Variants in PRKAG2 observed in about 807,000 individuals in gnomAD.
PRKAG2 encodes the protein 5'-AMP-activated protein kinase subunit gamma-2.
In PRKAG2, 26 loss-of-function variants were observed where a neutral mutation model predicts 69.6. The ratio of observed to expected loss-of-function variants is 0.37; its 90% CI spans 0.27 to 0.52. The LOEUF (loss-of-function observed/expected upper bound fraction) is 0.52. PRKAG2 is among the 20% of genes least tolerant of loss of function. PRKAG2 has a pLI of 0.90. For synonymous variants in PRKAG2, 293 were observed against 285.0 expected (o/e 1.03, Z -0.28); for missense variants, 557 against 740.0 (o/e 0.75, Z 2.87).
chr7:151,583,877 C>A lies in PRKAG2; in HGVS notation c.865-7425G>T, dbSNP rs993215583. Among the ~76,000 whole-genome samples the A allele has an allele frequency of 1.3e-5, 2 of 152,164 alleles. No individual in the cohort carries two copies. The highest frequency in any genetic ancestry group is 2.9e-5 in the Non-Finnish European group (2 of 68,022). On this transcript the variant is annotated intron_variant, in intron 6 of 15. Coordinates refer to ENST00000287878, the MANE Select transcript of PRKAG2 (RefSeq NM_016203.4). This position sits in a 1 kb window ranked among gnomAD's most constrained non-coding sequence, Gnocchi z 4.1. Reference sequence around the variant, plus strand: ...TTTTAGAATAGTGAGCAGGCCCGAGCTGCTCTAAGAGACTCTGGCAGTCTA... The same window carrying A: ...TTTTAGAATAGTGAGCAGGCCCGAGATGCTCTAAGAGACTCTGGCAGTCTA...
At chr7:151,761,175 A>G (rs943448228) in intron 3 of PRKAG2, among the ~76,000 whole-genome samples, 2 of 152,240 alleles carry the variant, frequency 1.3e-5, no homozygotes, top group Non-Finnish European at 2.9e-5. Flanking sequence ...AATTTAGTTT[A>G]TAGTTTAAAC....
At chr7:151,764,521 G>C (rs1208053804) in intron 3 of PRKAG2, among the ~76,000 whole-genome samples, 4 of 152,180 alleles carry the variant, frequency 2.6e-5, no homozygotes, top group Admixed American at 2.0e-4. Context: ...TCCACCCCCA[G>C]TGCCAAGAGC....
At position 151,719,074 on chromosome 7, in the gene PRKAG2, C is replaced by T. The variant is rs1210698511; in HGVS notation, c.467-43437G>A. On this transcript the variant is annotated intron_variant, in intron 3 of 15. Coordinates refer to ENST00000287878, the MANE Select transcript of PRKAG2 (RefSeq NM_016203.4). The surrounding 1 kb of genome is among the most constrained non-coding windows in gnomAD (Gnocchi z 5.2). ...CCTGATAAGTACAAGGCCCCGAACTCAGGGAAATGGAGGGGACTGAAGGAG... is the reference window on the plus strand; with the variant it reads ...CCTGATAAGTACAAGGCCCCGAACTTAGGGAAATGGAGGGGACTGAAGGAG... Among the ~76,000 whole-genome samples, 1 of 152,162 alleles carries T rather than the reference C, an allele frequency of 6.6e-6. No individual in the cohort carries two copies. The highest frequency in any genetic ancestry group is 1.9e-4 in the East Asian group (1 of 5,180).
In PRKAG2 at chr7:151,807,401, G is replaced by C; in HGVS notation, c.115-20860C>G. The C allele has an allele frequency of 2.2e-6, 1 of 457,660 alleles. No homozygotes were observed. The highest frequency in any genetic ancestry group is 4.4e-6 in the Non-Finnish European group (1 of 226,822). The allele number at this position is 457,660 out of a possible 1,614,324, so 28.3% of individuals were successfully genotyped here. On this transcript the variant is annotated intron_variant, in intron 1 of 15. Coordinates refer to ENST00000287878, the MANE Select transcript of PRKAG2 (RefSeq NM_016203.4). This position sits in a 1 kb window ranked among gnomAD's most constrained non-coding sequence, Gnocchi z 4.4. Reference sequence around the variant, plus strand: ...AGTGGAATTTTCAGGAAGCAGCTGTGCTGTGGGTGACGGTCATACTTTATT... The same window carrying C: ...AGTGGAATTTTCAGGAAGCAGCTGTCCTGTGGGTGACGGTCATACTTTATT...
rs114381704 is a variant in PRKAG2 at position 151,622,935 on chromosome 7, G to A, written c.754+9134C>T. Reference sequence around the variant, plus strand: ...GCAGCGGTCCCCATACTACATCCCAGGCCCTCTAATGCAGTGGTCCCCAAC... The same window carrying A: ...GCAGCGGTCCCCATACTACATCCCAAGCCCTCTAATGCAGTGGTCCCCAAC... On this transcript the variant is annotated intron_variant, in intron 5 of 15. Coordinates refer to ENST00000287878, the MANE Select transcript of PRKAG2 (RefSeq NM_016203.4). Among the ~76,000 whole-genome samples, 144 of 152,194 alleles carry A rather than the reference G, an allele frequency of 9.5e-4. 1 individual carries two copies. The highest frequency in any genetic ancestry group is 3.4e-3 in the African/African-American group (140 of 41,532).
chr7:151,642,306 G>A (rs1393847610), intron 4 of PRKAG2, among the ~76,000 whole-genome samples: 1 of 152,124 alleles, frequency 6.6e-6, no homozygotes, highest in East Asian at 1.9e-4. Flanking sequence ...TCGCGCCACT[G>A]CACTCCAGCC....
chr7:151,805,844 G>A (rs1369070136), intron 1 of PRKAG2, among the ~76,000 whole-genome samples: 2 of 152,192 alleles, frequency 1.3e-5, no homozygotes, highest in Non-Finnish European at 1.5e-5. Context: ...CTTCCCCAAC[G>A]TACAAGTGAA....
chr7:151,558,314 G>A (rs1804213545), intron 15 of PRKAG2: 1 of 985,460 alleles, frequency 1.0e-6, no homozygotes, highest in Non-Finnish European at 1.2e-6. Context: ...TCATCAAACT[G>A]CCTCTTACTG....
chr7:151,797,682 A>G (rs1390193716), intron 1 of PRKAG2, among the ~76,000 whole-genome samples: 3 of 152,192 alleles, frequency 2.0e-5, no homozygotes, highest in Non-Finnish European at 2.9e-5. Flanking sequence ...CACATTATAG[A>G]TCAAAAGGTA....
intron 7 of PRKAG2, among the ~76,000 whole-genome samples, chr7:151,575,490 C>T (rs532721979): frequency 2.6e-4 from 39 of 152,184 alleles, no homozygotes; most frequent in African/African-American, 7.5e-4. Context: ...TTCAAAATAA[C>T]GTGAAGAATA....
chr7:151,732,296 G>A (rs776824856), intron 3 of PRKAG2, among the ~76,000 whole-genome samples: 14 of 151,824 alleles, frequency 9.2e-5, no homozygotes, highest in Non-Finnish European at 1.8e-4. Context: ...GCACCACCAC[G>A]CCTGGCTAAT....
chr7:151,831,586 G>C (rs185017397), intron 1 of PRKAG2, among the ~76,000 whole-genome samples: 1 of 152,208 alleles, frequency 6.6e-6, no homozygotes, highest in Non-Finnish European at 1.5e-5. Flanking sequence ...GGTCAGCGGA[G>C]TTCTGGGCCA....
At chr7:151,743,253 C>T (rs1003426616) in intron 3 of PRKAG2, among the ~76,000 whole-genome samples, 2 of 152,166 alleles carry the variant, frequency 1.3e-5, no homozygotes, top group South Asian at 4.1e-4. Flanking sequence ...CTTTTTGGAT[C>T]ACAGTTTAAA....
At chr7:151,864,144 G>A (rs1343729751) in intron 1 of PRKAG2, among the ~76,000 whole-genome samples, 1 of 152,152 alleles carries the variant, frequency 6.6e-6, no homozygotes, top group Non-Finnish European at 1.5e-5. Flanking sequence ...CTGTGAACTG[G>A]CTTCCTGACC....
chr7:151,662,611 T>C (rs763466572), intron 4 of PRKAG2, among the ~76,000 whole-genome samples: 12 of 152,138 alleles, frequency 7.9e-5, no homozygotes, highest in Non-Finnish European at 1.3e-4. Context: ...GAGTAATCAT[T>C]CCATAAAATG....
chr7:151,714,756 C>A (rs1435003057), intron 3 of PRKAG2, among the ~76,000 whole-genome samples: 1 of 151,792 alleles, frequency 6.6e-6, no homozygotes, highest in Non-Finnish European at 1.5e-5. Context: ...TTGAGACCAG[C>A]CTGGACAACA....
At chr7:151,752,081 A>T (rs1032245385) in intron 3 of PRKAG2, among the ~76,000 whole-genome samples, 2 of 152,188 alleles carry the variant, frequency 1.3e-5, no homozygotes, top group Non-Finnish European at 2.9e-5. Flanking sequence ...CCGCCTGGAG[A>T]GGCTCCTGCT....
rs147111579 is a variant in PRKAG2 at position 151,827,464 on chromosome 7, C to G, written c.115-40923G>C. Among the ~76,000 whole-genome samples the G allele has an allele frequency of 6.9e-3, 1,046 of 152,178 alleles. 9 individuals carry two copies. The highest frequency in any genetic ancestry group is 0.011 in the Non-Finnish European group (721 of 68,010). On this transcript the variant is annotated intron_variant, in intron 1 of 15. Coordinates refer to ENST00000287878, the MANE Select transcript of PRKAG2 (RefSeq NM_016203.4). Reference sequence around the variant, plus strand: ...ATGTTGGCCAGGCTGGTCTCGAACTCCTGACCTCAAGGGATCCGCCCACCT... The same window carrying G: ...ATGTTGGCCAGGCTGGTCTCGAACTGCTGACCTCAAGGGATCCGCCCACCT...
chr7:151,645,473 T>C (rs1827408515), intron 4 of PRKAG2, among the ~76,000 whole-genome samples: 2 of 152,214 alleles, frequency 1.3e-5, no homozygotes, highest in African/African-American at 4.8e-5. Context: ...AGGACTCAAC[T>C]AAGCTGTACC....
Sources: gnomAD v4.1 joint callset for allele counts (sites outside exome capture counted in the v4.1 genomes callset) on GRCh38, gnomAD v4.1.1 for gene constraint, Gnocchi (gnomAD v3.1) non-coding constraint, MANE v1.5 for transcripts, NCBI Gene and HGNC (gene_info 2026-07-23, HGNC 2026-07-21) for gene names.